ENOX2: variants seen among roughly 807,000 people sequenced by gnomAD.
ENOX2 encodes ecto-NOX disulfide-thiol exchanger 2, also known as APK1 antigen.
Under a neutral mutation model 45.0 loss-of-function variants are expected in ENOX2, and 36 were observed. The ratio of observed to expected loss-of-function variants is 0.80; its 90% confidence interval spans 0.61 to 1.06. The LOEUF (loss-of-function observed/expected upper bound fraction) is 1.06. ENOX2 is among the 50% of genes least tolerant of loss of function. The pLI, the probability that ENOX2 is intolerant of heterozygous loss-of-function variation, is 0.00. For missense variants in ENOX2, 423 were observed against 462.5 expected (o/e 0.91, Z 0.78); for synonymous variants, 174 against 152.3 (o/e 1.14, Z -1.05).
At chrX:130,836,731 C>T (rs1265857817) in intron 2 of ENOX2, among the ~76,000 whole-genome samples, 1 of 111,669 alleles carries the variant, frequency 9.0e-6, no homozygotes, top group Non-Finnish European at 1.9e-5. Context: ...AGTGTCTTCT[C>T]ACTTTTACTA....
At chrX:130,845,577 T>C (rs768965328) in intron 2 of ENOX2, among the ~76,000 whole-genome samples, 146 of 112,445 alleles carry the variant, frequency 1.3e-3, no homozygotes, top group African/African-American at 4.4e-3. Flanking sequence ...GCAATTCTCC[T>C]GCCTCAGCCT....
intron 2 of ENOX2, among the ~76,000 whole-genome samples, chrX:130,876,298 A>G (rs2078700601): frequency 8.9e-6 from 1 of 112,246 alleles, no homozygotes; most frequent in South Asian, 3.7e-4. Flanking sequence ...GTGATATAAC[A>G]CAGATTAACC....
At chrX:130,697,938 C>G (rs1253203100) in intron 4 of ENOX2, among the ~76,000 whole-genome samples, 1 of 111,458 alleles carries the variant, frequency 9.0e-6, no homozygotes. Flanking sequence ...AAAACAGCTC[C>G]ACAGCATTTA....
chrX:130,880,796 T>C (rs2078795525), intron 2 of ENOX2, among the ~76,000 whole-genome samples: 1 of 112,163 alleles, frequency 8.9e-6, no homozygotes, highest in African/African-American at 3.2e-5. Flanking sequence ...AGCAAGCCAA[T>C]ATGAGAAAAA....
Position 130,718,616 on chromosome X carries a change from C to T in ENOX2, c.-38-15362G>A, listed in dbSNP as rs1430979101. On this transcript the variant is annotated intron_variant, in intron 3 of 14. Coordinates refer to ENST00000394363, the MANE Select transcript of ENOX2 (RefSeq NM_006375.4). ...TCTGCTGCTGTTGATGACATCAGTT[C>T]TATTAAAGTCAAGGTAAACAACTAA... 4.5e-5 allele frequency among the ~76,000 whole-genome samples: 5 copies of T among 112,244 alleles called. No individual in the cohort carries two copies. The Admixed American group carries it at 4.7e-4, about 11-fold the overall frequency.
At chrX:130,845,370 A>G (rs1279824504) in intron 2 of ENOX2, among the ~76,000 whole-genome samples, 1 of 112,820 alleles carries the variant, frequency 8.9e-6, no homozygotes, top group Non-Finnish European at 1.9e-5. Flanking sequence ...AAGAACCATT[A>G]TCCTTGCCAA....
intron 12 of ENOX2, 70 bp from the exon 13 acceptor site, chrX:130,631,646 C>G (rs1255728550): frequency 1.2e-5 from 7 of 565,463 alleles, no homozygotes; most frequent in Non-Finnish European, 1.5e-5. Context: ...ATTAACTACA[C>G]AACAGGTAAC....
intron 2 of ENOX2, among the ~76,000 whole-genome samples, chrX:130,832,428 CACACACACACAT>C (rs1417555557): frequency 2.2e-5 from 2 of 90,191 alleles, no homozygotes; most frequent in Admixed American, 1.2e-4. Context: ...TACACACACA[CACACACACACAT>C]ACACACACAC....
At chrX:130,719,014 C>A (rs369418863) in intron 3 of ENOX2, among the ~76,000 whole-genome samples, 1 of 111,999 alleles carries the variant, frequency 8.9e-6, no homozygotes, top group African/African-American at 3.2e-5. Flanking sequence ...TCAGTTTGCG[C>A]CTGAGGAACC....
Position 130,664,532 on chromosome X carries a change from T to C in ENOX2, c.1014+1111A>G, listed in dbSNP as rs1422210061. On this transcript the variant is annotated intron_variant, in intron 9 of 14. Coordinates refer to ENST00000394363, the MANE Select transcript of ENOX2 (RefSeq NM_006375.4). ...CACTTATGAAGCTGTTAATAAAAAC[T>C]GAAGTAATACTATTTCTATTTTTCA... Among the ~76,000 whole-genome samples the C allele has an allele frequency of 3.5e-5, 4 of 112,792 alleles. No homozygotes were observed. In the Admixed American group the frequency reaches 3.7e-4, roughly 11 times the overall value.
intron 2 of ENOX2, among the ~76,000 whole-genome samples, chrX:130,893,593 T>A (rs1163048105): frequency 1.8e-5 from 2 of 112,315 alleles, no homozygotes; most frequent in Admixed American, 1.9e-4. Context: ...TTGGACTTCA[T>A]CCTATGGATA....
At chrX:130,733,568 C>T (rs2038789372) in intron 3 of ENOX2, among the ~76,000 whole-genome samples, 1 of 112,240 alleles carries the variant, frequency 8.9e-6, no homozygotes, top group Admixed American at 9.4e-5. Flanking sequence ...TCCCGATGCT[C>T]TCAACAGGTG....
intron 3 of ENOX2, among the ~76,000 whole-genome samples, chrX:130,740,165 C>T (rs1438284874): frequency 8.9e-6 from 1 of 112,024 alleles, no homozygotes; most frequent in Non-Finnish European, 1.9e-5. Context: ...CTTTGGGAGG[C>T]CGAGGTGGGT....
intron 3 of ENOX2, among the ~76,000 whole-genome samples, chrX:130,782,230 T>C (rs1334292213): frequency 8.9e-6 from 1 of 111,976 alleles, no homozygotes; most frequent in East Asian, 2.8e-4. Flanking sequence ...ATAGTAACGT[T>C]TATTAAGTGA....
chrX:130,713,603 G>A (rs2038249789), intron 3 of ENOX2, among the ~76,000 whole-genome samples: 2 of 111,202 alleles, frequency 1.8e-5, no homozygotes, highest in African/African-American at 3.3e-5. Flanking sequence ...TCAGATACCT[G>A]TGAACTAATG....
At chrX:130,713,989 ACAGAAG>A (rs1369188984) in intron 3 of ENOX2, among the ~76,000 whole-genome samples, 2 of 111,220 alleles carry the variant, frequency 1.8e-5, no homozygotes. Context: ...AAAGAAAAAA[ACAGAAG>A]CATAAACTTT....
chrX:130,864,960 C>T (rs2078468996), intron 2 of ENOX2, among the ~76,000 whole-genome samples: 1 of 110,379 alleles, frequency 9.1e-6, no homozygotes. Context: ...TGCAATGAGC[C>T]GAGATCATGC....
chrX:130,865,650 T>C lies in ENOX2; in HGVS notation c.-183+36034A>G, dbSNP rs146866555. Among the ~76,000 whole-genome samples, 9 of 112,266 alleles carry C rather than the reference T, an allele frequency of 8.0e-5. No homozygotes were observed. In the East Asian group the frequency reaches 2.2e-3, roughly 28 times the overall value. On this transcript the variant is annotated intron_variant, in intron 2 of 14. Transcript: ENST00000394363. ...TTAGGAAACATCATTGAGTAAAATA[T>C]ACAGAGATCATTTAAGAGAGCTTTC...
At chrX:130,899,053 A>G (rs1427496939) in intron 2 of ENOX2, among the ~76,000 whole-genome samples, 3 of 111,074 alleles carry the variant, frequency 2.7e-5, no homozygotes, top group Non-Finnish European at 5.7e-5. Context: ...GTATCAGGGC[A>G]GGAGGAAGAT....
Sources: gnomAD v4.1 joint callset for allele counts (sites outside exome capture counted in the v4.1 genomes callset) on GRCh38, gnomAD v4.1.1 for gene constraint, MANE v1.5 for transcripts, NCBI Gene and HGNC (gene_info 2026-07-23, HGNC 2026-07-21) for gene names.